Variants in FSIP2 observed in about 807,000 individuals in gnomAD.
The protein encoded by FSIP2 is fibrous sheath interacting protein 2.
A neutral mutation model predicts 510.5 loss-of-function variants in FSIP2; 367 were observed. That is an observed-to-expected ratio of 0.72 (90% confidence interval 0.66 to 0.78). The LOEUF is 0.78. Ranked by LOEUF, FSIP2 falls within the 30% of genes least tolerant of loss-of-function variation. FSIP2 has a pLI of 0.00. For missense variants in FSIP2, 7,594 were observed against 7,901.7 expected, an observed-to-expected ratio of 0.96 and a Z score of 1.48; for synonymous variants, 2,601 against 2,732.2, an observed-to-expected ratio of 0.95 and a Z score of 1.50.
chr2:185,751,890 G>C (rs1363145478), intron 7 of FSIP2, among the ~76,000 whole-genome samples: 1 of 150,648 alleles, frequency 6.6e-6, no homozygotes, highest in East Asian at 1.9e-4. Flanking sequence ...TGCTATTTTG[G>C]TCATTCATTT....
At chr2:185,827,946 C>A (rs1392377916) in intron 20 of FSIP2, among the ~76,000 whole-genome samples, 1 of 151,822 alleles carries the variant, frequency 6.6e-6, no homozygotes, top group African/African-American at 2.4e-5. Flanking sequence ...AAATTTCTAA[C>A]TGAAGGGCTA....
chr2:185,802,567 CTG>C lies in FSIP2; in HGVS notation c.13263_13264del (p.Ser4423TrpfsTer10). The C allele has an allele frequency of 6.5e-7, 1 of 1,529,900 alleles. No homozygotes were observed. The highest frequency in any genetic ancestry group is 8.7e-7 in the Non-Finnish European group (1 of 1,144,198). 94.8% of individuals were successfully genotyped at this position (1,529,900 alleles called of 1,614,324 possible). A position where few individuals can be genotyped will look rare whatever the true frequency, so the allele number is the denominator to read the frequency against. ...AAISDYLLHP[L>X]FSGDFSASTY... ...TATTTCAGATTACCTTCTTCATCCA[CTG>C]TTTTCTGGGGATTTTTCAGCTTCTA... On this transcript the variant is annotated frameshift_variant, in exon 17 of 23. Coordinates refer to ENST00000424728, the MANE Select transcript of FSIP2 (RefSeq NM_173651.4). LOFTEE classifies it high-confidence loss of function.
Position 185,793,312 on chromosome 2 carries a change from G to C in FSIP2, c.6176G>C (p.Ser2059Thr). ...ISRKGKCDKN[S>T]SDKEIDLDQQ... ...CGTAAAGGCAAATGTGACAAAAACAGTTCTGACAAAGAGATCGATTTAGAT... is the reference window on the plus strand; with the variant it reads ...CGTAAAGGCAAATGTGACAAAAACACTTCTGACAAAGAGATCGATTTAGAT... The change falls in exon 16 of 23, where the codon AGT (serine) becomes ACT (threonine). Residue 2059 changes from serine (S) to threonine (T), a missense_variant. Transcript: ENST00000424728. 1 of 1,534,212 alleles carries C rather than the reference G, an allele frequency of 6.5e-7. No individual in the cohort carries two copies. Among genetic ancestry groups the C allele is most frequent in the African/African-American group, 1.4e-5 (1 of 72,996 alleles).
At chr2:185,763,562 C>T (rs1013392577) in intron 12 of FSIP2, among the ~76,000 whole-genome samples, 3 of 151,412 alleles carry the variant, frequency 2.0e-5, no homozygotes, top group Admixed American at 6.6e-5. Flanking sequence ...TGATTTAGTA[C>T]TTTTTGACCA....
intron 17 of FSIP2, among the ~76,000 whole-genome samples, chr2:185,811,200 C>T (rs1693721124): frequency 6.6e-6 from 1 of 152,042 alleles, no homozygotes; most frequent in African/African-American, 2.4e-5. Context: ...AGCATGGTGG[C>T]TCACACTTGT....
At chr2:185,785,354 T>G (rs904059823) in intron 14 of FSIP2, among the ~76,000 whole-genome samples, 1 of 152,038 alleles carries the variant, frequency 6.6e-6, no homozygotes. Flanking sequence ...CCAGTGAAGT[T>G]TCTTTTCTTT....
chr2:185,808,219 G>A lies in FSIP2; in HGVS notation c.18913G>A (p.Glu6305Lys). The change falls in exon 17 of 23, where the codon GAA becomes AAA. Residue 6305 changes from glutamate (E) to lysine (K), a missense_variant. By Grantham distance (56) the Glu-to-Lys change is moderately conservative. Transcript: ENST00000424728. ...TGAATTTCAACCTCAAGTAGAGGAA[G>A]AAGTATCAAATTCAGAATTAGTTCT... The part of the protein sequence containing the change: ...NSEFQPQVEE[E>K]VSNSELVLEA... The A allele has an allele frequency of 6.2e-7, 1 of 1,609,164 alleles. No individual in the cohort carries two copies. Among genetic ancestry groups the A allele is most frequent in the Non-Finnish European group, 8.5e-7 (1 of 1,178,266 alleles).
Position 185,756,308 on chromosome 2 carries a change from G to A in FSIP2, c.1078+30G>A, listed in dbSNP as rs931427315. ...TTGAATATTGTGACAAGAAACACTA[G>A]ATACTAAACAATAATTTGGGGGAAA... On this transcript the variant is annotated intron_variant, in intron 9 of 22. Coordinates refer to ENST00000424728, the MANE Select transcript of FSIP2 (RefSeq NM_173651.4). 15 of 790,890 alleles carry A rather than the reference G, an allele frequency of 1.9e-5. No individual in the cohort carries two copies. In the African/African-American group the frequency reaches 2.1e-4, roughly 11 times the overall value. The allele number at this position is 790,890 out of a possible 1,614,324, so 49.0% of individuals were successfully genotyped here. A position where few individuals can be genotyped will look rare whatever the true frequency, so the allele number is the denominator to read the frequency against.
rs560208926 is a variant in FSIP2 at position 185,825,299 on chromosome 2, C to G, written c.20473+819C>G. 1.3e-3 allele frequency among the ~76,000 whole-genome samples: 202 copies of G among 151,860 alleles called. 2 individuals are homozygous for G. Among genetic ancestry groups the G allele is most frequent in the Non-Finnish European group, 9.0e-4 (61 of 67,844 alleles). On this transcript the variant is annotated intron_variant, in intron 20 of 22. Transcript: ENST00000424728. The stretch of plus-strand genomic sequence containing the variant: ...ATACTTTGTTAGATGCCAACAGAAA[C>G]CGTTTCATACAACCATACTCATTTT...
chr2:185,800,824 C>T lies in FSIP2; in HGVS notation c.11518C>T (p.Leu3840Phe), dbSNP rs1481157334. 7.8e-6 allele frequency: 12 copies of T among 1,534,246 alleles called. No individual in the cohort carries two copies. The Admixed American group carries it at 2.2e-4, about 28-fold the overall frequency. ...DQDLLTSDSM[L>F]TIISHSLVKS... ...AGACTTATTGACATCAGACTCTATG[C>T]TTACTATTATTTCCCACAGCTTGGT... Residue 3840 changes from leucine (L) to phenylalanine (F), a missense_variant, in exon 17 of 23, where the codon CTT (leucine) becomes TTT (phenylalanine). By Grantham distance (22) the Leu-to-Phe change is conservative (BLOSUM62 0). Coordinates refer to ENST00000424728, the MANE Select transcript of FSIP2 (RefSeq NM_173651.4).
chr2:185,829,133 T>C (rs1367950120), intron 21 of FSIP2, among the ~76,000 whole-genome samples: 1 of 151,872 alleles, frequency 6.6e-6, no homozygotes, highest in Non-Finnish European at 1.5e-5. Context: ...TCTAAGAACC[T>C]ATTGACACTC....
chr2:185,830,605 A>T (rs1276846149), intron 21 of FSIP2, among the ~76,000 whole-genome samples: 1 of 151,976 alleles, frequency 6.6e-6, no homozygotes, highest in African/African-American at 2.4e-5. Flanking sequence ...CAATGTAAAT[A>T]TTATGTAAAT....
In FSIP2 at chr2:185,806,266, A is replaced by G; in HGVS notation, c.16960A>G (p.Asn5654Asp). Residue 5654 changes from asparagine to aspartate, a missense_variant, in exon 17 of 23, where the codon AAT becomes GAT. Physicochemically the swap from Asn to Asp is conservative, Grantham distance 23 (BLOSUM62 1). Coordinates refer to ENST00000424728, the MANE Select transcript of FSIP2 (RefSeq NM_173651.4). ...TLEIRIRTSS[N>D]EGRRDSPTQT... ...GGAAATAAGAATTCGAACATCAAGC[A>G]ATGAGGGGAGAAGAGACTCTCCAAC... 1 of 1,610,236 alleles carries G rather than the reference A, an allele frequency of 6.2e-7. No individual in the cohort carries two copies. The highest frequency in any genetic ancestry group is 1.1e-5 in the South Asian group (1 of 90,744).
rs183549957 is a variant in FSIP2, at chr2:185,743,784, T to C, written c.387+490T>C. 1.7e-3 allele frequency among the ~76,000 whole-genome samples: 256 copies of C among 152,308 alleles called. 1 individual carries two copies. Among genetic ancestry groups the C allele is most frequent in the Admixed American group, 5.5e-3 (84 of 15,284 alleles). On this transcript the variant is annotated intron_variant, in intron 3 of 22. Coordinates refer to ENST00000424728, the MANE Select transcript of FSIP2 (RefSeq NM_173651.4). ...TAATTGAAATTATTACTGTGATAAC[T>C]AATTGTGTGCACTAAACTCCTTTTA... is the stretch of plus-strand genomic sequence containing the variant.
Position 185,801,771 on chromosome 2 carries a change from T to A in FSIP2, c.12465T>A (p.Ile4155=), listed in dbSNP as rs1361165066. 6.6e-7 allele frequency: 1 copy of A among 1,518,120 alleles called. No individual in the cohort carries two copies. The highest frequency in any genetic ancestry group is 8.8e-7 in the Non-Finnish European group (1 of 1,136,386). The allele number at this position is 1,518,120 out of a possible 1,614,324, so 94.0% of individuals were successfully genotyped here. A position where few individuals can be genotyped will look rare whatever the true frequency, so the allele number is the denominator to read the frequency against. Residue 4155 remains isoleucine (I), a synonymous_variant, in exon 17 of 23, where the codon ATT becomes ATA. Transcript: ENST00000424728. ...TAAGAAGGCTTTTATCTCAGCTAATTCCTCCACCCATTACATGTTCCTCTT... is the reference window on the plus strand; with the variant it reads ...TAAGAAGGCTTTTATCTCAGCTAATACCTCCACCCATTACATGTTCCTCTT... The part of the protein sequence containing the change: ...DVIRRLLSQL[I]PPPITCSSLG...
At chr2:185,820,858 T>G (rs1444713215) in intron 19 of FSIP2, among the ~76,000 whole-genome samples, 1 of 151,320 alleles carries the variant, frequency 6.6e-6, no homozygotes, top group Non-Finnish European at 1.5e-5. Flanking sequence ...AAGAAAGATC[T>G]TATACCAACA....
In FSIP2 at chr2:185,758,293, G is replaced by C. The variant is rs1377279548; in HGVS notation, c.1078+2015G>C. ...GTATTGAATGACTAGAAGTACAGTT[G>C]ATGTTTGAACATCAAGGGGTGATAG... is the stretch of plus-strand genomic sequence containing the variant. On this transcript the variant is annotated intron_variant, in intron 9 of 22. Transcript: ENST00000424728. 2.0e-5 allele frequency among the ~76,000 whole-genome samples: 3 copies of C among 151,064 alleles called. No individual in the cohort carries two copies. In the Admixed American group the frequency reaches 2.0e-4, roughly 10 times the overall value.
chr2:185,802,764 C>A lies in FSIP2; in HGVS notation c.13458C>A (p.Ser4486Arg). Residue 4486 changes from serine (S) to arginine (R), a missense_variant, in exon 17 of 23, where the codon AGC becomes AGA. By Grantham distance (110) the Ser-to-Arg change is moderately radical. Coordinates refer to ENST00000424728, the MANE Select transcript of FSIP2 (RefSeq NM_173651.4). ...LLSKLFSSAS[S>R]LVLNRDTQKD... ...CTAAATTATTTTCTTCTGCATCTAG[C>A]CTGGTTCTAAACAGAGACACCCAAA... The A allele has an allele frequency of 6.6e-7, 1 of 1,514,522 alleles. No individual in the cohort carries two copies. Among genetic ancestry groups the A allele is most frequent in the Non-Finnish European group, 8.8e-7 (1 of 1,138,732 alleles). 93.8% of individuals were successfully genotyped at this position (1,514,522 alleles called of 1,614,324 possible).
At position 185,808,888 on chromosome 2, in the gene FSIP2, A is replaced by C; in HGVS notation, c.19582A>C (p.Lys6528Gln). ...TAAAATAGTTCCACATGTTGGAAAA[A>C]AACCAGTCAAAATAGATCCAAAAAT... ...PIKIVPHVGK[K>Q]PVKIDPKIIS... The change falls in exon 17 of 23, where the codon AAA becomes CAA. Residue 6528 changes from lysine to glutamine, a missense_variant. Physicochemically the swap from Lys to Gln is moderately conservative, Grantham distance 53 (BLOSUM62 1). Transcript: ENST00000424728. 1 of 1,607,608 alleles carries C rather than the reference A, an allele frequency of 6.2e-7. No homozygotes were observed.
Sources: gnomAD v4.1 joint callset for allele counts (sites outside exome capture counted in the v4.1 genomes callset) on GRCh38, gnomAD v4.1.1 for gene constraint, MANE v1.5 for transcripts, NCBI Gene and HGNC (gene_info 2026-07-23, HGNC 2026-07-21) for gene names.